The following DPH6 variants were observed in gnomAD, a reference collection of about 807,000 sequenced individuals.
DPH6 encodes the protein diphthine--ammonia ligase.
DPH6 carries 33 observed loss-of-function variants against 38.2 expected under a neutral mutation model. The observed-to-expected ratio is 0.86, with a 90% CI of 0.65 to 1.15. The LOEUF (loss-of-function observed/expected upper bound fraction) is 1.15, where lower values mean the gene tolerates loss of function less well. DPH6 is among the 50% of genes most tolerant of loss of function. The probability of loss-of-function intolerance (pLI) is 0.00; values close to 1 mark genes in which losing one functional copy is unlikely to be tolerated. For missense variants in DPH6, 325 were observed against 320.0 expected (o/e 1.02, Z -0.12); for synonymous variants, 108 against 103.0 (o/e 1.05, Z -0.30).
intron 3 of DPH6, among the ~76,000 whole-genome samples, chr15:35,282,029 T>A (rs1022926089): frequency 6.6e-6 from 1 of 152,204 alleles, no homozygotes; most frequent in African/African-American, 2.4e-5. Context: ...AAGAATATAA[T>A]ATTATTCAAC....
At chr15:35,218,319 A>G (rs2051421867) in exon 4 of DPH6, 1 of 152,254 alleles carries the variant, frequency 6.6e-6, no homozygotes, top group South Asian at 2.1e-4. Context: ...GTCAATAAGT[A>G]ATAAGCTAAA....
chr15:35,408,211 G>C (rs1325421627), intron 6 of DPH6, among the ~76,000 whole-genome samples: 5 of 151,958 alleles, frequency 3.3e-5, no homozygotes, highest in Non-Finnish European at 5.9e-5. Flanking sequence ...TTGGATTTTT[G>C]CCTGTAGGCA....
chr15:35,494,238 A>G (rs2054519821), intron 3 of DPH6, among the ~76,000 whole-genome samples: 1 of 152,154 alleles, frequency 6.6e-6, no homozygotes, highest in Non-Finnish European at 1.5e-5. Context: ...TAATACTACC[A>G]TATGACTAGT....
intron 3 of DPH6, among the ~76,000 whole-genome samples, chr15:35,306,691 T>C (rs192880025): frequency 1.1e-4 from 17 of 152,358 alleles, no homozygotes; most frequent in Admixed American, 4.6e-4. Flanking sequence ...AAGAATTGAC[T>C]TTCTGGCTTC....
At chr15:35,415,188 C>G (rs750957754) in intron 5 of DPH6, among the ~76,000 whole-genome samples, 2 of 151,904 alleles carry the variant, frequency 1.3e-5, no homozygotes, top group Non-Finnish European at 2.9e-5. Context: ...ATGTTAAAAT[C>G]CAAAGCATGA....
At position 35,461,554 on chromosome 15, in the gene DPH6, A is replaced by C. The variant is rs192592980; in HGVS notation, c.313-6734T>G. On this transcript the variant is annotated intron_variant, in intron 3 of 8. Transcript: ENST00000256538. Reference sequence around the variant, plus strand: ...GTCAAGTGCAGCCTTTGGTCTTTTAAATACAATGAAAGAAATTCTTAGTTG... The same window carrying C: ...GTCAAGTGCAGCCTTTGGTCTTTTACATACAATGAAAGAAATTCTTAGTTG... Among the ~76,000 whole-genome samples, 332 of 152,172 alleles carry C rather than the reference A, an allele frequency of 2.2e-3. 2 individuals are homozygous for C. The highest frequency in any genetic ancestry group is 7.8e-3 in the African/African-American group (323 of 41,512).
intron 3 of DPH6, among the ~76,000 whole-genome samples, chr15:35,335,248 T>C (rs957944287): frequency 9.9e-5 from 15 of 152,098 alleles, no homozygotes; most frequent in African/African-American, 3.6e-4. Context: ...TTTAATGGGG[T>C]TATTTCCTGT....
chr15:35,268,399 G>A (rs1035229786), intron 3 of DPH6, among the ~76,000 whole-genome samples: 2 of 151,678 alleles, frequency 1.3e-5, no homozygotes, highest in African/African-American at 2.4e-5. Context: ...TGAAAATACA[G>A]GTCTGAGAGA....
intron 3 of DPH6, among the ~76,000 whole-genome samples, chr15:35,480,675 T>A (rs760713028): frequency 1.3e-5 from 2 of 151,144 alleles, no homozygotes; most frequent in African/African-American, 4.9e-5. Flanking sequence ...TCCACTAACA[T>A]AATTTAGTAG....
chr15:35,237,443 G>A, intron 3 of DPH6: 1 of 1,604,462 alleles, frequency 6.2e-7, no homozygotes, highest in Non-Finnish European at 8.5e-7. Context: ...CCTCACAGAT[G>A]AATCTGAATA....
chr15:35,207,253 G>T, the DPH6 span, among the ~76,000 whole-genome samples: 5 of 151,656 alleles, frequency 3.3e-5, no homozygotes, highest in African/African-American at 1.2e-4. Context: ...TTGCTATTTT[G>T]CCAGGGCTGG....
intron 3 of DPH6, among the ~76,000 whole-genome samples, chr15:35,359,963 ACTT>A (rs1424091754): frequency 6.6e-6 from 1 of 151,570 alleles, no homozygotes; most frequent in Non-Finnish European, 1.5e-5. Flanking sequence ...AGCTTATTAA[ACTT>A]CTTTAAAATG....
chr15:35,280,859 T>C (rs1034907985), intron 3 of DPH6, among the ~76,000 whole-genome samples: 7 of 152,212 alleles, frequency 4.6e-5, no homozygotes, highest in Non-Finnish European at 7.4e-5. Flanking sequence ...GCAAGTGCAT[T>C]AGCTCATCTA....
At chr15:35,311,363 G>GAAC (rs2052140770) in intron 3 of DPH6, among the ~76,000 whole-genome samples, 1 of 152,070 alleles carries the variant, frequency 6.6e-6, no homozygotes, top group South Asian at 2.1e-4. Flanking sequence ...TCCACAAGTG[G>GAAC]TTATACAGTA....
chr15:35,535,865 C>A (rs1195562898), intron 3 of DPH6, among the ~76,000 whole-genome samples: 2 of 152,056 alleles, frequency 1.3e-5, no homozygotes, highest in African/African-American at 4.8e-5. Context: ...TCTACAAGTT[C>A]CTCCAAGTCT....
Position 35,451,448 on chromosome 15 carries a change from C to T in DPH6, c.387-645G>A, listed in dbSNP as rs113994227. ...AAATCTAAGTCCTTGTGCTTAGTTTCCTAGTTCATAAATAGGGGCAAAAAT... is the reference window on the plus strand; with the variant it reads ...AAATCTAAGTCCTTGTGCTTAGTTTTCTAGTTCATAAATAGGGGCAAAAAT... On this transcript the variant is annotated intron_variant, in intron 4 of 8. Transcript: ENST00000256538. Among the ~76,000 whole-genome samples the T allele has an allele frequency of 3.9e-3, 594 of 152,198 alleles. 7 individuals carry two copies. The highest frequency in any genetic ancestry group is 0.014 in the African/African-American group (573 of 41,524).
rs866978436 is a variant in DPH6 at position 35,324,407 on chromosome 15, T to C, written n.200+49114A>G. Among the ~76,000 whole-genome samples, 52 of 152,250 alleles carry C rather than the reference T, an allele frequency of 3.4e-4. 1 individual carries two copies. In the Middle Eastern group the frequency reaches 0.02, roughly 60 times the overall value. On this transcript the variant is annotated intron_variant and non_coding_transcript_variant, in intron 3 of 3. Coordinates refer to the DPH6 transcript ENST00000560386. ...TTTCTTAAACTCAACAAAAATAAGA[T>C]GAAGAATATAATACAGATAAGTGCA... is the stretch of plus-strand genomic sequence containing the variant.
the DPH6 span, chr15:35,169,776 A>G: frequency 6.6e-6 from 1 of 152,156 alleles, no homozygotes; most frequent in African/African-American, 2.4e-5. Context: ...CAAAGAAACA[A>G]TCAATCCCCA....
chr15:35,424,780 T>C (rs1219374448), intron 5 of DPH6, among the ~76,000 whole-genome samples: 1 of 151,668 alleles, frequency 6.6e-6, no homozygotes, highest in Non-Finnish European at 1.5e-5. Flanking sequence ...GAGAAGAATA[T>C]ATCAGGACTG....
Sources: gnomAD v4.1 joint callset for allele counts (sites outside exome capture counted in the v4.1 genomes callset) on GRCh38, gnomAD v4.1.1 for gene constraint, MANE v1.5 for transcripts, NCBI Gene and HGNC (gene_info 2026-07-23, HGNC 2026-07-21) for gene names.